USP24: variants seen among roughly 807,000 people sequenced by gnomAD.
USP24 encodes ubiquitin specific peptidase 24.
Under a neutral mutation model 361.6 loss-of-function variants are expected in USP24, and 97 were observed. The ratio of observed to expected loss-of-function variants is 0.27; its 90% CI spans 0.23 to 0.32. USP24 has a LOEUF of 0.32. USP24 is among the 10% of genes least tolerant of loss of function. USP24 has a pLI of 1.00. For synonymous variants in USP24, 1,098 were observed against 1,124.6 expected (o/e 0.98, Z 0.47); for missense variants, 2,353 against 3,165.6 (o/e 0.74, Z 6.16).
chr1:55,137,884 T>A lies in USP24; in HGVS notation c.2949A>T (p.Ile983=). ...TGGCTATTTTCCACCGGACACTCCC[T>A]ATGGTTTCATTACTGTGAGCCTGTA... ...FTVEAHSNET[I]GSVRWKIAKQ... The change falls in exon 27 of 68, where the codon ATA becomes ATT. Residue 983 remains isoleucine (I), a synonymous_variant. Transcript: ENST00000294383. 6.3e-7 allele frequency: 1 copy of A among 1,591,694 alleles called. No homozygotes were observed. Among genetic ancestry groups the A allele is most frequent in the Non-Finnish European group, 8.6e-7 (1 of 1,167,846 alleles).
At chr1:55,115,528 A>G (rs1228657682) in intron 38 of USP24, among the ~76,000 whole-genome samples, 1 of 150,584 alleles carries the variant, frequency 6.6e-6, no homozygotes, top group African/African-American at 2.4e-5. Flanking sequence ...GAAACAACAG[A>G]TGCTGGAGAG....
At chr1:55,078,043 T>A (rs993994415) in intron 61 of USP24, among the ~76,000 whole-genome samples, 1 of 152,214 alleles carries the variant, frequency 6.6e-6, no homozygotes, top group African/African-American at 2.4e-5. Context: ...CCTAAAGACA[T>A]AATCCACTAA....
chr1:55,181,309 A>T (rs2100836698), intron 1 of USP24, among the ~76,000 whole-genome samples: 1 of 152,326 alleles, frequency 6.6e-6, no homozygotes, highest in African/African-American at 2.4e-5. Flanking sequence ...AAGGTAATTA[A>T]GCATAGAAGA....
chr1:55,164,615 A>G (rs1310980441), intron 7 of USP24, among the ~76,000 whole-genome samples: 1 of 152,092 alleles, frequency 6.6e-6, no homozygotes, highest in Non-Finnish European at 1.5e-5. Context: ...CCTAAACAAT[A>G]TAATTCTGTG....
chr1:55,178,157 A>G (rs1650176022), intron 1 of USP24, 25 bp from the exon 2 acceptor site: 3 of 1,436,490 alleles, frequency 2.1e-6, no homozygotes, highest in Non-Finnish European at 1.8e-6. Context: ...TTAAGATAAA[A>G]AGCAAATAAA....
chr1:55,091,539 G>A (rs991944668), intron 54 of USP24, among the ~76,000 whole-genome samples: 5 of 152,098 alleles, frequency 3.3e-5, no homozygotes, highest in African/African-American at 1.2e-4. Context: ...CCCTGCTCTG[G>A]CACTAAGGGC....
At chr1:55,071,280 A>C (rs928456248) in intron 67 of USP24, 1 of 989,726 alleles carries the variant, frequency 1.0e-6, no homozygotes, top group African/African-American at 1.7e-5. Flanking sequence ...CAGTGTTTGC[A>C]CACAGTGGGT....
At position 55,159,022 on chromosome 1, in the gene USP24, G is replaced by A. The variant is rs1490035169; in HGVS notation, c.1083C>T (p.Ile361=). The A allele has an allele frequency of 2.6e-6, 4 of 1,533,656 alleles. No homozygotes were observed. The highest frequency in any genetic ancestry group is 3.5e-6 in the Non-Finnish European group (4 of 1,140,366). ...ACTTAACGGCAGACAAGAGCTCAGG[G>A]ATGCTAACCAATCTCTTTTATTGAA... ...KDLKDKRLVS[I]PELLSAVKLL... is the part of the protein sequence containing the mutation. Residue 361 remains isoleucine (I), a synonymous_variant, in exon 10 of 68, where the codon ATC becomes ATT. Transcript: ENST00000294383.
chr1:55,171,433 T>A (rs1649432429), intron 5 of USP24, 123 bp downstream of exon 5: 1 of 1,231,790 alleles, frequency 8.1e-7, no homozygotes, highest in Non-Finnish European at 1.1e-6. Context: ...ATGAGCCAGA[T>A]GGGATATTTG....
At chr1:55,118,609 C>G (rs530562652) in intron 38 of USP24, among the ~76,000 whole-genome samples, 138 of 152,274 alleles carry the variant, frequency 9.1e-4, no homozygotes, top group Middle Eastern at 3.4e-3. Context: ...ACACAGGACA[C>G]CATCAAGAGA....
intron 34 of USP24, 139 bp from the exon 35 acceptor site, chr1:55,124,767 G>T: frequency 1.2e-6 from 1 of 864,434 alleles, no homozygotes; most frequent in Non-Finnish European, 1.8e-6. Context: ...TTCTCAAGCT[G>T]CCATCCTGCT....
chr1:55,078,784 T>C (rs1347862019), intron 60 of USP24, 133 bp from the exon 61 acceptor site: 6 of 636,920 alleles, frequency 9.4e-6, no homozygotes, highest in Admixed American at 6.9e-5. Context: ...GTTTCTTAAC[T>C]GTTAGAAGTC....
chr1:55,137,511 G>T lies in USP24; in HGVS notation c.3201+4C>A. On this transcript the variant is annotated splice_donor_region_variant and intron_variant, in intron 28 of 67. Coordinates refer to ENST00000294383, the MANE Select transcript of USP24 (RefSeq NM_015306.3). ...TTTTTAAATGGAAATTGATCACCCA[G>T]TACCTGCTCCATGGCATATGAAGAA... 1.9e-6 allele frequency: 3 copies of T among 1,612,672 alleles called. No individual in the cohort carries two copies. Among genetic ancestry groups the T allele is most frequent in the Non-Finnish European group, 1.7e-6 (2 of 1,179,344 alleles).
intron 40 of USP24, among the ~76,000 whole-genome samples, chr1:55,106,618 G>C (rs1645781078): frequency 6.6e-6 from 1 of 152,090 alleles, no homozygotes. Context: ...TCCACATAAG[G>C]GTTTCTGAAA....
intron 28 of USP24, among the ~76,000 whole-genome samples, chr1:55,136,060 A>G (rs933485965): frequency 6.6e-5 from 10 of 152,190 alleles, no homozygotes; most frequent in African/African-American, 2.4e-4. Flanking sequence ...GATAAACAAG[A>G]TAAATAAAAT....
intron 28 of USP24, among the ~76,000 whole-genome samples, chr1:55,136,161 T>C (rs1211144356): frequency 6.6e-6 from 1 of 151,938 alleles, no homozygotes; most frequent in Non-Finnish European, 1.5e-5. Context: ...GACAAGACAG[T>C]CAGAGAAGGC....
chr1:55,110,839 A>G (rs1315581167), intron 38 of USP24, among the ~76,000 whole-genome samples: 2 of 152,168 alleles, frequency 1.3e-5, no homozygotes, highest in Non-Finnish European at 2.9e-5. Context: ...TGGATGTCCC[A>G]TGGACAACTA....
chr1:55,105,217 A>T (rs1645738533), intron 41 of USP24, among the ~76,000 whole-genome samples: 2 of 152,220 alleles, frequency 1.3e-5, no homozygotes, highest in Non-Finnish European at 2.9e-5. Flanking sequence ...TTAATAAAAG[A>T]CTACCATAGA....
In USP24 at chr1:55,083,288, C is replaced by A; in HGVS notation, c.6959G>T (p.Ser2320Ile). Residue 2320 changes from serine (S) to isoleucine (I), a missense_variant, in exon 58 of 68, where the codon AGT becomes ATT. Ser to Ile is a moderately radical substitution (Grantham distance 142). Coordinates refer to ENST00000294383, the MANE Select transcript of USP24 (RefSeq NM_015306.3). Reference sequence around the variant, plus strand: ...AGTCCTTACCTGATTGTTTTGCCGACTGGCCCCTAGGAGGAAGCTGATCAT... The same window carrying A: ...AGTCCTTACCTGATTGTTTTGCCGAATGGCCCCTAGGAGGAAGCTGATCAT... ...RHMISFLLGASRQNNQIRRWS... is the reference protein window; with the variant it reads ...RHMISFLLGAIRQNNQIRRWS... 1.2e-6 allele frequency: 2 copies of A among 1,613,674 alleles called. No individual in the cohort carries two copies. The highest frequency in any genetic ancestry group is 1.1e-5 in the South Asian group (1 of 91,080).
Sources: gnomAD v4.1 joint callset for allele counts (sites outside exome capture counted in the v4.1 genomes callset) on GRCh38, gnomAD v4.1.1 for gene constraint, MANE v1.5 for transcripts, NCBI Gene and HGNC (gene_info 2026-07-23, HGNC 2026-07-21) for gene names.